KDM5D: variants seen among roughly 807,000 people sequenced by gnomAD.
The protein encoded by KDM5D is lysine demethylase 5D, also known as lysine-specific demethylase 5D.
KDM5D carries 25 observed loss-of-function variants against 31.9 expected under a neutral mutation model. That is an observed-to-expected ratio of 0.78 (90% CI 0.57 to 1.09). KDM5D has a LOEUF of 1.09. Among genes scored for constraint, KDM5D ranks in the 50% least tolerant of loss-of-function variants. The pLI is 0.00. For missense variants in KDM5D, 366 were observed against 341.6 expected (o/e 1.07, Z -0.56); for synonymous variants, 146 against 122.3 (o/e 1.19, Z -1.28).
intron 11 of KDM5D, chrY:19,721,881 G>T (rs2045397749): frequency 3.0e-5 from 1 of 33,436 alleles, no homozygotes; most frequent in African/African-American, 1.2e-4. Context: ...AACACACAAA[G>T]AAATTTTAAG....
chrY:19,712,185 T>C, intron 18 of KDM5D, among the ~76,000 whole-genome samples: 2 of 33,544 alleles, frequency 6.0e-5, no homozygotes, highest in Non-Finnish European at 1.5e-4. Flanking sequence ...TTTTTTTAAA[T>C]AGAGTAGTTT....
At chrY:19,728,392 G>A (rs778991433) in intron 11 of KDM5D, among the ~76,000 whole-genome samples, 1 of 32,585 alleles carries the variant, frequency 3.1e-5, no homozygotes, top group African/African-American at 1.2e-4. Flanking sequence ...AGAGATTCAC[G>A]CTGTCACCCA....
chrY:19,706,515 C>T lies in KDM5D; in HGVS notation c.4195G>A (p.Glu1399Lys). Residue 1399 changes from glutamate to lysine, a missense_variant, in exon 26 of 27, where the codon GAG (glutamate) becomes AAG (lysine). Glu to Lys is a moderately conservative substitution (Grantham distance 56, BLOSUM62 1). Coordinates refer to ENST00000317961, the MANE Select transcript of KDM5D (RefSeq NM_004653.5). ...EGDLLEVTLD[E>K]NHSIWQLLQA... ...AGCAGCTGCCAGATGCTGTGGTTCT[C>T]ATCCAGGGTCACCTCAAGCAGGTCC... The T allele has an allele frequency of 2.5e-6, 1 of 398,567 alleles. No individual in the cohort carries two copies. Among genetic ancestry groups the T allele is most frequent in the South Asian group, 3.0e-5 (1 of 33,710 alleles).
In KDM5D at chrY:19,704,241, G is replaced by C; in HGVS notation, c.*1754C>G. On this transcript the variant is annotated 3_prime_UTR_variant, in exon 27 of 27. Transcript: ENST00000317961. ...TTTAGTGAGATTTTTATAGGCAGAA[G>C]TTCTCATCATGCCTCATCAGAATTT... 3.0e-5 allele frequency: 1 copy of C among 33,788 alleles called. No individual in the cohort carries two copies. Among genetic ancestry groups the C allele is most frequent in the Admixed American group, 2.7e-4 (1 of 3,684 alleles). The allele number at this position is 33,788 out of a possible 400,897, so 8.4% of individuals were successfully genotyped here.
At position 19,716,354 on chromosome Y, in the gene KDM5D, T is replaced by A; in HGVS notation, c.1956A>T (p.Leu652=). ...AAFPETLDLN[L]AVAVHKEMFI... ...ACATCTCCTTGTGCACAGCTACTGC[T>A]AGATTGAGATCCAACGTCTCTGGGA... Residue 652 remains leucine, a synonymous_variant, in exon 15 of 27, where the codon CTA becomes CTT. Coordinates refer to ENST00000317961, the MANE Select transcript of KDM5D (RefSeq NM_004653.5). The A allele has an allele frequency of 2.5e-6, 1 of 398,813 alleles. No homozygotes were observed. Among genetic ancestry groups the A allele is most frequent in the South Asian group, 3.0e-5 (1 of 33,823 alleles).
chrY:19,715,310 T>C, intron 18 of KDM5D, 42 bp downstream of exon 18: 1 of 379,209 alleles, frequency 2.6e-6, no homozygotes, highest in Non-Finnish European at 3.8e-6. Context: ...GTTATTCATT[T>C]TCACACACTG....
intron 12 of KDM5D, 36 bp from the exon 13 acceptor site, chrY:19,721,070 T>G (rs1203651149): frequency 2.5e-6 from 1 of 394,025 alleles, no homozygotes; most frequent in Non-Finnish European, 3.6e-6. Flanking sequence ...CAAGTCTATA[T>G]ACATCGTTGC....
Position 19,715,617 on chromosome Y carries a change from C to T in KDM5D, c.2336G>A (p.Arg779His). The change falls in exon 17 of 27, where the codon CGC (arginine) becomes CAC (histidine). Residue 779 changes from arginine to histidine, a missense_variant and splice_region_variant. By Grantham distance (29) the Arg-to-His change is conservative. Coordinates refer to ENST00000317961, the MANE Select transcript of KDM5D (RefSeq NM_004653.5). ...VALEVEDGRK[R>H]SFEELRALES... ...TCCTTCCATTTCCTGTCACTCACTG[C>T]GTTTACGGCCATCCTCCACCTCCAA... The T allele has an allele frequency of 1.0e-5, 4 of 398,697 alleles. No homozygotes were observed. Among genetic ancestry groups the T allele is most frequent in the Non-Finnish European group, 1.4e-5 (4 of 283,512 alleles).
chrY:19,711,392 A>G (rs2045297486), intron 18 of KDM5D, among the ~76,000 whole-genome samples: 1 of 33,394 alleles, frequency 3.0e-5, no homozygotes, highest in African/African-American at 1.2e-4. Context: ...GAAATACTGA[A>G]ATAATGGGCC....
intron 11 of KDM5D, among the ~76,000 whole-genome samples, chrY:19,727,736 G>A: frequency 3.0e-5 from 1 of 32,992 alleles, no homozygotes; most frequent in African/African-American, 1.2e-4. Flanking sequence ...ATTTAAATAA[G>A]AGGATAAAAG....
At chrY:19,726,863 A>T (rs982313233) in intron 11 of KDM5D, among the ~76,000 whole-genome samples, 2 of 33,074 alleles carry the variant, frequency 6.0e-5, no homozygotes, top group African/African-American at 1.2e-4. Context: ...AAATTCCAAA[A>T]AAAGCTAAAT....
chrY:19,730,870 T>C (rs778617717), intron 11 of KDM5D, among the ~76,000 whole-genome samples: 14 of 33,562 alleles, frequency 4.2e-4, no homozygotes, highest in Non-Finnish European at 6.7e-4. Flanking sequence ...ATAGTGAAAG[T>C]ACAGTATTGC....
chrY:19,704,374 A>G lies in KDM5D; in HGVS notation c.*1621T>C, dbSNP rs2045217450. The G allele has an allele frequency of 5.9e-5, 2 of 33,614 alleles. No individual in the cohort carries two copies. The highest frequency in any genetic ancestry group is 6.5e-4 in the South Asian group (1 of 1,531). The allele number at this position is 33,614 out of a possible 400,897, so 8.4% of individuals were successfully genotyped here. ...TTTCGAAGACAATTCTCAGATTTAG[A>G]TAAATTATCTCAGGATTTTCTATAT... is the stretch of plus-strand genomic sequence containing the variant. On this transcript the variant is annotated 3_prime_UTR_variant, in exon 27 of 27. Transcript: ENST00000317961.
chrY:19,735,708 T>C lies in KDM5D; in HGVS notation c.700A>G (p.Lys234Glu). ...EEDIEKHPEL[K>E]KLQIYGPGPK... ...CCTGGCCCATATATCTGTAACTTCT[T>C]TAGCTCTGGATGCTTCTCAATGTCC... Residue 234 changes from lysine to glutamate, a missense_variant, in exon 7 of 27, where the codon AAG becomes GAG. Physicochemically the swap from Lys to Glu is moderately conservative, Grantham distance 56 (BLOSUM62 1). Transcript: ENST00000317961. 1 of 398,117 alleles carries C rather than the reference T, an allele frequency of 2.5e-6. No homozygotes were observed. Among genetic ancestry groups the C allele is most frequent in the Non-Finnish European group, 3.5e-6 (1 of 282,696 alleles).
rs753877149 is a variant in KDM5D at position 19,707,289 on chromosome Y, T to C, written c.3857A>G (p.Glu1286Gly). The change falls in exon 24 of 27, where the codon GAA (glutamate) becomes GGA (glycine). Residue 1286 changes from glutamate (E) to glycine (G), a missense_variant. Glu to Gly is a moderately conservative substitution (Grantham distance 98). Transcript: ENST00000317961. ...QDRARKALASEDVTALLRQLA... is the reference protein window; with the variant it reads ...QDRARKALASGDVTALLRQLA... Reference sequence around the variant, plus strand: ...CTGTCGCAACAGAGCAGTCACATCTTCAGAGGCCAGAGCCTTTCTGGCACG... The same window carrying C: ...CTGTCGCAACAGAGCAGTCACATCTCCAGAGGCCAGAGCCTTTCTGGCACG... 2.5e-6 allele frequency: 1 copy of C among 395,973 alleles called. No individual in the cohort carries two copies. The highest frequency in any genetic ancestry group is 3.0e-5 in the South Asian group (1 of 33,087).
intron 11 of KDM5D, among the ~76,000 whole-genome samples, chrY:19,729,785 TA>T (rs2045459527): frequency 3.0e-5 from 1 of 33,620 alleles, no homozygotes. Context: ...TTGACCTTAG[TA>T]ATCAATGAAA....
chrY:19,741,272 G>A, intron 5 of KDM5D, 46 bp downstream of exon 5: 1 of 346,506 alleles, frequency 2.9e-6, no homozygotes. Flanking sequence ...AAATACAAAA[G>A]AAAACAAAAT....
In KDM5D at chrY:19,706,214, A is replaced by G. The variant is rs749123422; in HGVS notation, c.4401T>C (p.Ala1467=). ...LVQQELQSKR[A]RSSGIMSQVG... ...CCTGAGACATAATCCCTGAGCTCCG[A>G]GCCCTTTTTGACTGAAGCTCCTGTT... The change falls in exon 27 of 27, where the codon GCT becomes GCC. Residue 1467 remains alanine (A), a synonymous_variant. Transcript: ENST00000317961. 1 of 394,363 alleles carries G rather than the reference A, an allele frequency of 2.5e-6. No homozygotes were observed.
At chrY:19,731,517 A>T in intron 11 of KDM5D, among the ~76,000 whole-genome samples, 1 of 33,421 alleles carries the variant, frequency 3.0e-5, no homozygotes, top group East Asian at 7.9e-4. Flanking sequence ...GTGAAGGAAC[A>T]CTATAGCTCT....
Sources: allele counts gnomAD v4.1 joint callset (sites outside exome capture counted in the v4.1 genomes callset), GRCh38; gene constraint gnomAD v4.1.1; transcripts MANE v1.5; gene names NCBI Gene and HGNC (gene_info 2026-07-23, HGNC 2026-07-21).